SUMF1: variants seen among roughly 807,000 people sequenced by gnomAD.
SUMF1 encodes the protein sulfatase modifying factor 1.
In SUMF1, 48 loss-of-function variants were observed where a neutral mutation model predicts 47.6. The ratio of observed to expected loss-of-function variants is 1.01; its 90% CI spans 0.80 to 1.28. The LOEUF (loss-of-function observed/expected upper bound fraction) is 1.28, where lower values mean the gene tolerates loss of function less well. Among genes scored for constraint, SUMF1 ranks in the 50% most tolerant of loss-of-function variants. SUMF1 has a pLI of 0.00. For synonymous variants in SUMF1, 230 were observed against 192.1 expected (o/e 1.20, Z -1.63); for missense variants, 571 against 485.4 (o/e 1.18, Z -1.66).
In SUMF1 at chr3:4,385,477, G is replaced by A. The variant is rs926051089; in HGVS notation, c.955-9088C>T. 6.6e-5 allele frequency among the ~76,000 whole-genome samples: 10 copies of A among 151,956 alleles called. No individual in the cohort carries two copies. In the East Asian group the frequency reaches 7.7e-4, roughly 12 times the overall value. On this transcript the variant is annotated intron_variant, in intron 7 of 8. Coordinates refer to ENST00000272902, the MANE Select transcript of SUMF1 (RefSeq NM_182760.4). ...TGCACGTGTTCTAATTGGATTGTTC[G>A]GTTTTTTACTGCTGAGTGTTGAGTT...
chr3:4,253,412 G>C (rs1430560872), intron 8 of SUMF1, among the ~76,000 whole-genome samples: 1 of 152,214 alleles, frequency 6.6e-6, no homozygotes, highest in East Asian at 1.9e-4. Context: ...CGTGCACCGT[G>C]CACGAGCGGA....
chr3:4,316,405 G>C (rs148048935), intron 8 of SUMF1: 1 of 1,576,616 alleles, frequency 6.3e-7, no homozygotes, highest in Non-Finnish European at 8.6e-7. Context: ...GATGAGGAGC[G>C]TAGTGGCCGG....
chr3:4,096,380 C>T (rs563063455), intron 8 of SUMF1, among the ~76,000 whole-genome samples: 2 of 152,230 alleles, frequency 1.3e-5, no homozygotes, highest in South Asian at 2.1e-4. Flanking sequence ...AAAGTTGTTG[C>T]TTGCCTCTTT....
rs951431070 is a variant in SUMF1, at chr3:4,264,410, C to T, written c.1014+111920G>A. 2.6e-5 allele frequency among the ~76,000 whole-genome samples: 4 copies of T among 152,278 alleles called. No homozygotes were observed. The East Asian group carries it at 5.8e-4, about 22-fold the overall frequency. ...CAAAATGTCCCAGTTCCTTTCTCACCGTCAAGTATCACCACACTGACAAAC... is the reference window on the plus strand; with the variant it reads ...CAAAATGTCCCAGTTCCTTTCTCACTGTCAAGTATCACCACACTGACAAAC... On this transcript the variant is annotated intron_variant and NMD_transcript_variant, in intron 8 of 12. Coordinates refer to the SUMF1 transcript ENST00000448413.
chr3:4,227,775 T>C (rs1045279858), intron 8 of SUMF1, among the ~76,000 whole-genome samples: 5 of 152,126 alleles, frequency 3.3e-5, no homozygotes, highest in Admixed American at 6.6e-5. Flanking sequence ...CAGGAGGCAT[T>C]GCTTTTAGTC....
intron 8 of SUMF1, among the ~76,000 whole-genome samples, chr3:4,072,622 C>A (rs567432946): frequency 6.6e-6 from 1 of 151,992 alleles, no homozygotes; most frequent in Non-Finnish European, 1.5e-5. Flanking sequence ...GAATAACCAG[C>A]GTAGAGTAGA....
intron 8 of SUMF1, among the ~76,000 whole-genome samples, chr3:4,087,253 C>T (rs1161220233): frequency 3.9e-5 from 6 of 152,192 alleles, no homozygotes; most frequent in Non-Finnish European, 8.8e-5. Context: ...ATTGCCTCAG[C>T]TTTCTGATCT....
chr3:4,163,338 GAGAGAGAGAGAC>G (rs1287844894), intron 8 of SUMF1, among the ~76,000 whole-genome samples: 1 of 102,122 alleles, frequency 9.8e-6, no homozygotes, highest in South Asian at 4.1e-4. Flanking sequence ...GCAGATGAGA[GAGAGAGAGAGAC>G]AGAGAGAGAG....
intron 8 of SUMF1, among the ~76,000 whole-genome samples, chr3:4,244,164 T>G (rs1376989867): frequency 6.6e-6 from 1 of 152,210 alleles, no homozygotes; most frequent in Non-Finnish European, 1.5e-5. Context: ...TCTTTGCATG[T>G]GAGATGGGTC....
At chr3:4,392,901 C>A (rs1700920960) in intron 7 of SUMF1, among the ~76,000 whole-genome samples, 1 of 151,760 alleles carries the variant, frequency 6.6e-6, no homozygotes, top group Non-Finnish European at 1.5e-5. Flanking sequence ...ATAATTTAGA[C>A]AGAGGCTATC....
chr3:4,305,624 G>T (rs1315575365), intron 8 of SUMF1, among the ~76,000 whole-genome samples: 5 of 152,142 alleles, frequency 3.3e-5, no homozygotes, highest in Non-Finnish European at 1.5e-5. Flanking sequence ...TATATTTGGG[G>T]TTAAAATATT....
chr3:4,432,097 T>G (rs565240547), intron 3 of SUMF1, among the ~76,000 whole-genome samples: 1 of 152,064 alleles, frequency 6.6e-6, no homozygotes, highest in South Asian at 2.1e-4. Context: ...ATCAAGTTCT[T>G]TTTCCATCAT....
intron 8 of SUMF1, among the ~76,000 whole-genome samples, chr3:4,229,053 A>C (rs1490737833): frequency 1.3e-5 from 2 of 152,148 alleles, no homozygotes; most frequent in Admixed American, 1.3e-4. Flanking sequence ...GTGCTGAGTG[A>C]TGTACGAAGC....
intron 8 of SUMF1, among the ~76,000 whole-genome samples, chr3:4,141,073 TA>T (rs1289215397): frequency 1.3e-5 from 2 of 152,160 alleles, no homozygotes; most frequent in Admixed American, 6.5e-5. Flanking sequence ...TAGAAGCATA[TA>T]ATGAGATTAG....
intron 9 of SUMF1, among the ~76,000 whole-genome samples, chr3:4,050,353 A>T (rs997533672): frequency 2.0e-5 from 3 of 152,056 alleles, no homozygotes; most frequent in African/African-American, 7.2e-5. Flanking sequence ...AAATTGCTAG[A>T]GTCTTTCCCT....
At chr3:4,407,356 T>C (rs1701408864) in intron 7 of SUMF1, among the ~76,000 whole-genome samples, 1 of 152,196 alleles carries the variant, frequency 6.6e-6, no homozygotes. Context: ...GCTTTAAAAT[T>C]ATTTGCCATT....
chr3:4,447,423 G>C (rs1702818034), intron 3 of SUMF1, among the ~76,000 whole-genome samples: 1 of 152,116 alleles, frequency 6.6e-6, no homozygotes, highest in Non-Finnish European at 1.5e-5. Flanking sequence ...ACTTAATCAA[G>C]TCTTGAAAGA....
At chr3:4,072,636 T>C (rs754121768) in intron 8 of SUMF1, among the ~76,000 whole-genome samples, 4 of 152,102 alleles carry the variant, frequency 2.6e-5, no homozygotes, top group Non-Finnish European at 5.9e-5. Flanking sequence ...GAGTAGAACA[T>C]AAATGACCTG....
chr3:4,363,074 G>C (rs1219787285), intron 8 of SUMF1, among the ~76,000 whole-genome samples: 8 of 152,078 alleles, frequency 5.3e-5, no homozygotes, highest in African/African-American at 1.9e-4. Flanking sequence ...AGCAATCTGA[G>C]TTTCATGTTT....
Sources: allele counts gnomAD v4.1 joint callset (sites outside exome capture counted in the v4.1 genomes callset), GRCh38; gene constraint gnomAD v4.1.1; transcripts MANE v1.5; gene names NCBI Gene and HGNC (gene_info 2026-07-23, HGNC 2026-07-21).